Variants in PDZD2 observed in about 807,000 individuals in gnomAD.
PDZD2 encodes the protein PDZ domain-containing protein 2.
Under a neutral mutation model 220.7 loss-of-function variants are expected in PDZD2, and 90 were observed. The observed-to-expected ratio is 0.41, with a 90% CI of 0.34 to 0.49. The LOEUF is 0.49. Among genes scored for constraint, PDZD2 ranks in the 20% least tolerant of loss-of-function variants. The pLI is 0.28. For synonymous variants in PDZD2, 1,375 were observed against 1,450.5 expected, an observed-to-expected ratio of 0.95 and a Z score of 1.18; for missense variants, 3,174 against 3,608.5, an observed-to-expected ratio of 0.88 and a Z score of 3.08.
intron 1 of PDZD2, among the ~76,000 whole-genome samples, chr5:31,778,314 G>A (rs1285045322): frequency 2.6e-5 from 4 of 151,990 alleles, no homozygotes; most frequent in Admixed American, 1.3e-4. Flanking sequence ...GCAGTGGCAA[G>A]AGGCTCGGGT....
At position 31,936,840 on chromosome 5, in the gene PDZD2, G is replaced by T. The variant is rs575306383; in HGVS notation, c.477-46315G>T. Among the ~76,000 whole-genome samples, 4 of 152,342 alleles carry T rather than the reference G, an allele frequency of 2.6e-5. No individual in the cohort carries two copies. In the South Asian group the frequency reaches 8.3e-4, roughly 32 times the overall value. Reference sequence around the variant, plus strand: ...ATCCAGAAATTGACTGGGATCCAGAGTGAAGCCCGAATGCACTAATGTTTT... The same window carrying T: ...ATCCAGAAATTGACTGGGATCCAGATTGAAGCCCGAATGCACTAATGTTTT... On this transcript the variant is annotated intron_variant, in intron 2 of 24. Transcript: ENST00000438447.
At chr5:31,926,149 G>T (rs917644372) in intron 2 of PDZD2, among the ~76,000 whole-genome samples, 1 of 151,842 alleles carries the variant, frequency 6.6e-6, no homozygotes, top group East Asian at 1.9e-4. Flanking sequence ...GAGCCCAGGA[G>T]TTTGAAGCTG....
chr5:31,879,115 C>T (rs1472271625), intron 2 of PDZD2, among the ~76,000 whole-genome samples: 1 of 151,186 alleles, frequency 6.6e-6, no homozygotes, highest in Non-Finnish European at 1.5e-5. Flanking sequence ...GGGCCGGGCA[C>T]GGTGGCTCAC....
At chr5:31,887,761 G>A (rs1740645688) in intron 2 of PDZD2, among the ~76,000 whole-genome samples, 1 of 151,958 alleles carries the variant, frequency 6.6e-6, no homozygotes, top group Non-Finnish European at 1.5e-5. Flanking sequence ...GGTTGCCTGT[G>A]CATGCCCTGT....
chr5:31,982,510 G>A (rs929955753), intron 2 of PDZD2, among the ~76,000 whole-genome samples: 1 of 152,176 alleles, frequency 6.6e-6, no homozygotes, highest in Non-Finnish European at 1.5e-5. Context: ...GTTTCGCTAT[G>A]TTACCCAAGC....
At chr5:31,785,472 T>C (rs1753326852) in intron 1 of PDZD2, among the ~76,000 whole-genome samples, 2 of 151,088 alleles carry the variant, frequency 1.3e-5, no homozygotes, top group African/African-American at 4.9e-5. Context: ...AGGGTCTCAC[T>C]CTGTCACCCA....
intron 1 of PDZD2, among the ~76,000 whole-genome samples, chr5:31,798,452 A>G (rs1487648826): frequency 3.3e-5 from 5 of 152,144 alleles, no homozygotes; most frequent in African/African-American, 4.8e-5. Flanking sequence ...TGGAATGGAG[A>G]GCCTTCCTGT....
intron 3 of PDZD2, among the ~76,000 whole-genome samples, chr5:31,989,023 T>G (rs1750962816): frequency 6.6e-6 from 1 of 152,218 alleles, no homozygotes; most frequent in South Asian, 2.1e-4. Flanking sequence ...GTGTCCCCAG[T>G]AGACTTTAAG....
intron 1 of PDZD2, among the ~76,000 whole-genome samples, chr5:31,650,418 C>T (rs1268521920): frequency 6.6e-6 from 1 of 152,168 alleles, no homozygotes; most frequent in Non-Finnish European, 1.5e-5. Context: ...CTCTGAGAAG[C>T]AGGAACTGCC....
At chr5:31,819,516 G>A (rs1975042) in intron 2 of PDZD2, among the ~76,000 whole-genome samples, 64,483 of 151,548 alleles carry the variant, frequency 0.43, 14,171 homozygotes, top group Non-Finnish European at 0.49. Flanking sequence ...AATTAGCTGC[G>A]AGTGGTGATG....
At chr5:31,882,911 T>A (rs1197186577) in intron 2 of PDZD2, among the ~76,000 whole-genome samples, 3 of 149,388 alleles carry the variant, frequency 2.0e-5, no homozygotes, top group Non-Finnish European at 4.4e-5. Context: ...GTGTCTGTAA[T>A]CCCAGCTACA....
intron 2 of PDZD2, among the ~76,000 whole-genome samples, chr5:31,804,514 A>G (rs1754597727): frequency 6.6e-6 from 1 of 152,222 alleles, no homozygotes; most frequent in Admixed American, 6.5e-5. Context: ...CCACAATTCC[A>G]TAAAGGACAG....
At chr5:31,969,052 C>T (rs989109283) in intron 2 of PDZD2, among the ~76,000 whole-genome samples, 1 of 151,980 alleles carries the variant, frequency 6.6e-6, no homozygotes, top group Non-Finnish European at 1.5e-5. Context: ...AAGGGGCCAC[C>T]AGGGGATTCA....
At position 31,855,629 on chromosome 5, in the gene PDZD2, A is replaced by G. The variant is rs59356953; in HGVS notation, c.476+55905A>G. 3.0e-4 allele frequency among the ~76,000 whole-genome samples: 45 copies of G among 152,340 alleles called. No individual in the cohort carries two copies. In the East Asian group the frequency reaches 7.9e-3, roughly 27 times the overall value. On this transcript the variant is annotated intron_variant, in intron 2 of 24. Coordinates refer to ENST00000438447, the MANE Select transcript of PDZD2 (RefSeq NM_178140.4). The stretch of plus-strand genomic sequence containing the variant: ...TCCCTCGCTAGCAGCAGAATGACTG[A>G]GACGGAGCAAAGCTGCTTTCTCTAC...
intron 1 of PDZD2, among the ~76,000 whole-genome samples, chr5:31,703,632 A>G (rs1747690882): frequency 6.6e-6 from 1 of 152,234 alleles, no homozygotes; most frequent in East Asian, 1.9e-4. Flanking sequence ...CCAGAACTTT[A>G]ATTAAAAAAA....
intron 2 of PDZD2, among the ~76,000 whole-genome samples, chr5:31,926,249 C>T (rs1744748558): frequency 6.6e-6 from 1 of 150,558 alleles, no homozygotes; most frequent in Non-Finnish European, 1.5e-5. Context: ...AAAAGCCAGG[C>T]CAGGCATGAT....
intron 2 of PDZD2, among the ~76,000 whole-genome samples, chr5:31,913,154 A>G (rs1743352564): frequency 6.6e-6 from 1 of 152,118 alleles, no homozygotes; most frequent in Non-Finnish European, 1.5e-5. Flanking sequence ...GGATTGCTTG[A>G]GGTCAGGAGT....
At chr5:31,719,053 A>G (rs1748625559) in intron 1 of PDZD2, among the ~76,000 whole-genome samples, 1 of 152,186 alleles carries the variant, frequency 6.6e-6, no homozygotes, top group African/African-American at 2.4e-5. Flanking sequence ...CTCTAAATAC[A>G]GTCACATTCT....
At chr5:31,792,111 C>A (rs1753762443) in intron 1 of PDZD2, among the ~76,000 whole-genome samples, 1 of 152,176 alleles carries the variant, frequency 6.6e-6, no homozygotes, top group South Asian at 2.1e-4. Flanking sequence ...CATTGCCACT[C>A]CCAACAAAAT....
Sources: gnomAD v4.1 joint callset for allele counts (sites outside exome capture counted in the v4.1 genomes callset) on GRCh38, gnomAD v4.1.1 for gene constraint, MANE v1.5 for transcripts, NCBI Gene and HGNC (gene_info 2026-07-23, HGNC 2026-07-21) for gene names.